The following PTPRK variants were observed in gnomAD, a reference collection of about 807,000 sequenced individuals.
The protein encoded by PTPRK is receptor-type tyrosine-protein phosphatase kappa.
PTPRK carries 75 observed loss-of-function variants against 178.0 expected under a neutral mutation model. The observed-to-expected ratio is 0.42, with a 90% CI of 0.35 to 0.51. The LOEUF is 0.51. Ranked by LOEUF, PTPRK falls within the 20% of genes least tolerant of loss-of-function variation. The pLI, the probability that PTPRK is intolerant of heterozygous loss-of-function variation, is 0.02. For synonymous variants in PTPRK, 637 were observed against 620.6 expected (o/e 1.03, Z -0.39); for missense variants, 1,441 against 1,797.8 (o/e 0.80, Z 3.59).
chr6:128,343,477 G>T (rs2128332848), intron 2 of PTPRK, among the ~76,000 whole-genome samples: 1 of 143,586 alleles, frequency 7.0e-6, no homozygotes, highest in East Asian at 2.0e-4. Flanking sequence ...TCCAGCCTGG[G>T]CAACAAGAGT....
chr6:128,233,019 T>A (rs1346177417), intron 5 of PTPRK, among the ~76,000 whole-genome samples: 1 of 152,238 alleles, frequency 6.6e-6, no homozygotes, highest in Non-Finnish European at 1.5e-5. Flanking sequence ...TAAACTGCAG[T>A]TCCTAAGCAT....
intron 14 of PTPRK, 105 bp from the exon 15 acceptor site, chr6:128,005,349 A>C: frequency 8.9e-7 from 1 of 1,127,870 alleles, no homozygotes; most frequent in Non-Finnish European, 1.3e-6. Context: ...TGTTACAAAC[A>C]TGGTTTAGAA....
rs183573709 is a variant in PTPRK, at chr6:128,295,836, C to A, written c.495+26203G>T. Among the ~76,000 whole-genome samples the A allele has an allele frequency of 3.9e-3, 591 of 152,152 alleles. 3 individuals carry two copies. The highest frequency in any genetic ancestry group is 0.013 in the African/African-American group (551 of 41,524). On this transcript the variant is annotated intron_variant, in intron 3 of 29. Coordinates refer to ENST00000368226, the MANE Select transcript of PTPRK (RefSeq NM_002844.4). ...CTAATATACCTTAAACTTCAGGACA[C>A]CATAAAGTCACATAGCACTTCTATT...
chr6:128,154,434 T>C (rs1797697783), intron 7 of PTPRK, among the ~76,000 whole-genome samples: 1 of 151,700 alleles, frequency 6.6e-6, no homozygotes, highest in Non-Finnish European at 1.5e-5. Context: ...AGCAATATAA[T>C]GACAAAGAAG....
chr6:128,135,011 C>A (rs186688339), intron 7 of PTPRK, among the ~76,000 whole-genome samples: 1 of 151,768 alleles, frequency 6.6e-6, no homozygotes, highest in African/African-American at 2.4e-5. Flanking sequence ...ATTTCCGGCA[C>A]GCCCTGCAGA....
At chr6:128,517,996 T>G (rs1858345393) in intron 1 of PTPRK, among the ~76,000 whole-genome samples, 1 of 152,174 alleles carries the variant, frequency 6.6e-6, no homozygotes. Flanking sequence ...CCATAGAATT[T>G]TATGACAATA....
intron 6 of PTPRK, among the ~76,000 whole-genome samples, chr6:128,208,842 A>G (rs1807511582): frequency 6.6e-6 from 1 of 152,160 alleles, no homozygotes; most frequent in Non-Finnish European, 1.5e-5. Context: ...AGATTTTAAA[A>G]CTGGATATGT....
chr6:128,083,999 T>C (rs941790731), intron 8 of PTPRK, among the ~76,000 whole-genome samples, 175 bp from the exon 9 acceptor site: 1 of 152,158 alleles, frequency 6.6e-6, no homozygotes, highest in African/African-American at 2.4e-5. Flanking sequence ...CTTCGATATA[T>C]GAGAATTTAA....
At chr6:128,449,951 A>G (rs1847553845) in intron 1 of PTPRK, among the ~76,000 whole-genome samples, 2 of 151,940 alleles carry the variant, frequency 1.3e-5, no homozygotes, top group Admixed American at 6.6e-5. Context: ...CAAAAAAAAA[A>G]AAAAAAAATT....
intron 2 of PTPRK, among the ~76,000 whole-genome samples, chr6:128,364,733 A>G (rs1835249890): frequency 6.6e-6 from 1 of 152,094 alleles, no homozygotes; most frequent in African/African-American, 2.4e-5. Flanking sequence ...ACATATATAA[A>G]CACAGCCTAA....
intron 7 of PTPRK, among the ~76,000 whole-genome samples, chr6:128,132,430 C>T (rs1794395543): frequency 6.6e-6 from 1 of 152,192 alleles, no homozygotes; most frequent in Non-Finnish European, 1.5e-5. Flanking sequence ...CCTCGGCCTC[C>T]CAAAGTGCTG....
intron 1 of PTPRK, 50 bp from the exon 2 acceptor site, chr6:128,397,738 TAAC>T: frequency 3.2e-6 from 5 of 1,570,544 alleles, no homozygotes; most frequent in Non-Finnish European, 4.4e-6. Flanking sequence ...TTTCCAAACA[TAAC>T]GAAAGTTCTG....
At chr6:128,486,820 A>AGAAGGAAG (rs555080760) in intron 1 of PTPRK, among the ~76,000 whole-genome samples, 2 of 149,448 alleles carry the variant, frequency 1.3e-5, no homozygotes, top group Non-Finnish European at 3.0e-5. Flanking sequence ...AAGGAAGGAA[A>AGAAGGAAG]GAAGGAAGGA....
At chr6:128,061,245 A>T (rs1236804568) in intron 13 of PTPRK, among the ~76,000 whole-genome samples, 4 of 152,172 alleles carry the variant, frequency 2.6e-5, no homozygotes, top group African/African-American at 9.7e-5. Context: ...TTCCAGAGAG[A>T]GAGTGAGTGA....
At chr6:128,297,001 A>G (rs530777778) in intron 3 of PTPRK, among the ~76,000 whole-genome samples, 123 of 151,838 alleles carry the variant, frequency 8.1e-4, no homozygotes, top group African/African-American at 2.8e-3. Flanking sequence ...AGAGACACAC[A>G]TAGGCTCAAA....
At chr6:128,313,145 C>G (rs1428428419) in intron 3 of PTPRK, among the ~76,000 whole-genome samples, 1 of 152,024 alleles carries the variant, frequency 6.6e-6, no homozygotes, top group Non-Finnish European at 1.5e-5. Flanking sequence ...GAGAGGAGGG[C>G]TAGCTCTATT....
intron 13 of PTPRK, among the ~76,000 whole-genome samples, chr6:128,027,581 C>T (rs1427636148): frequency 6.6e-6 from 1 of 152,012 alleles, no homozygotes; most frequent in East Asian, 1.9e-4. Context: ...TTCACAAGCA[C>T]TTATGAGGCT....
chr6:128,264,539 G>C (rs1051050084), intron 3 of PTPRK, among the ~76,000 whole-genome samples: 1 of 152,002 alleles, frequency 6.6e-6, no homozygotes, highest in African/African-American at 2.4e-5. Context: ...CTCGAGTGCA[G>C]TGGCTATTCA....
intron 7 of PTPRK, among the ~76,000 whole-genome samples, chr6:128,141,995 T>C (rs111246327): frequency 0.011 from 1,721 of 152,108 alleles, 22 homozygotes; most frequent in Middle Eastern, 0.02. Flanking sequence ...TTTCTGATAA[T>C]CAACAACCAG....
Sources: gnomAD v4.1 joint callset for allele counts (sites outside exome capture counted in the v4.1 genomes callset) on GRCh38, gnomAD v4.1.1 for gene constraint, MANE v1.5 for transcripts, NCBI Gene and HGNC (gene_info 2026-07-23, HGNC 2026-07-21) for gene names.